The following SLC24A4 variants were observed in gnomAD, a reference collection of about 807,000 sequenced individuals.
The protein encoded by SLC24A4 is sodium/potassium/calcium exchanger 4.
SLC24A4 carries 53 observed loss-of-function variants against 79.0 expected under a neutral mutation model. The ratio of observed to expected loss-of-function variants is 0.67; its 90% confidence interval spans 0.54 to 0.84. SLC24A4 has a LOEUF of 0.84. Ranked by LOEUF, SLC24A4 falls within the 40% of genes least tolerant of loss-of-function variation. The pLI, the probability that SLC24A4 is intolerant of heterozygous loss-of-function variation, is 0.00. For synonymous variants in SLC24A4, 323 were observed against 323.8 expected (o/e 1.00, Z 0.03); for missense variants, 731 against 822.0 (o/e 0.89, Z 1.35).
intron 2 of SLC24A4, among the ~76,000 whole-genome samples, chr14:92,413,005 A>C (rs189489991): frequency 6.6e-6 from 1 of 152,178 alleles, no homozygotes; most frequent in South Asian, 2.1e-4. Flanking sequence ...AGCCATGCCG[A>C]TTTGTTTATG....
In SLC24A4 at chr14:92,348,681, G is replaced by A. The variant is rs937248145; in HGVS notation, c.241+22703G>A. 2.0e-5 allele frequency among the ~76,000 whole-genome samples: 3 copies of A among 152,056 alleles called. No homozygotes were observed. In the East Asian group the frequency reaches 5.8e-4, roughly 29 times the overall value. ...TTTTTTTTTCTAAGATTCATACTAA[G>A]ACAAGATTGCCACTTGAGAAATCTG... On this transcript the variant is annotated intron_variant, in intron 2 of 16. Transcript: ENST00000532405.
chr14:92,493,464 C>T lies in SLC24A4; in HGVS notation c.1717-12C>T, dbSNP rs1196053360. 6.2e-7 allele frequency: 1 copy of T among 1,613,826 alleles called. No individual in the cohort carries two copies. The highest frequency in any genetic ancestry group is 8.5e-7 in the Non-Finnish European group (1 of 1,179,846). Reference sequence around the variant, plus strand: ...GCCCTGCAAGCCCAGTTCCCACACTCTGTCCTCCCAGGTCCTCGGCATCCA... The same window carrying T: ...GCCCTGCAAGCCCAGTTCCCACACTTTGTCCTCCCAGGTCCTCGGCATCCA... On this transcript the variant is annotated splice_polypyrimidine_tract_variant and intron_variant, in intron 16 of 16. Transcript: ENST00000532405.
intron 9 of SLC24A4, among the ~76,000 whole-genome samples, chr14:92,448,141 G>T (rs546492684): frequency 6.6e-6 from 1 of 152,298 alleles, no homozygotes. Context: ...TGGACCAGAG[G>T]TCAGTGCAGG....
chr14:92,474,841 G>GTGTGTATATATA (rs1894658762), intron 12 of SLC24A4, among the ~76,000 whole-genome samples: 4 of 33,810 alleles, frequency 1.2e-4, no homozygotes, highest in Non-Finnish European at 2.9e-4. Flanking sequence ...GTGTGTGTGT[G>GTGTGTATATATA]TGTATATATA....
At chr14:92,344,927 G>A (rs1178968341) in intron 2 of SLC24A4, among the ~76,000 whole-genome samples, 2 of 152,186 alleles carry the variant, frequency 1.3e-5, no homozygotes, top group Admixed American at 6.5e-5. Context: ...CTGTGTAAAT[G>A]TAAGATGTCT....
At chr14:92,396,923 T>G (rs1298172167) in intron 2 of SLC24A4, among the ~76,000 whole-genome samples, 4 of 152,190 alleles carry the variant, frequency 2.6e-5, no homozygotes, top group Non-Finnish European at 5.9e-5. Flanking sequence ...ACTTCTATAC[T>G]GGACACAGTG....
chr14:92,448,397 C>T (rs1425905621), intron 9 of SLC24A4, among the ~76,000 whole-genome samples: 1 of 138,854 alleles, frequency 7.2e-6, no homozygotes, highest in Non-Finnish European at 1.6e-5. Flanking sequence ...TACTCATGAG[C>T]TGAGCCATGT....
intron 14 of SLC24A4, among the ~76,000 whole-genome samples, chr14:92,489,586 C>T (rs1338251691): frequency 1.3e-5 from 2 of 152,088 alleles, no homozygotes; most frequent in African/African-American, 4.8e-5. Context: ...GGTCCTAGCC[C>T]CGAGCATCGG....
At chr14:92,383,050 G>A (rs537860883) in intron 2 of SLC24A4, among the ~76,000 whole-genome samples, 3 of 152,046 alleles carry the variant, frequency 2.0e-5, no homozygotes, top group Admixed American at 6.5e-5. Context: ...CACTGGCCAC[G>A]TGTGGACCCC....
chr14:92,413,258 T>C (rs1042463718), intron 2 of SLC24A4, among the ~76,000 whole-genome samples: 1 of 152,074 alleles, frequency 6.6e-6, no homozygotes, highest in African/African-American at 2.4e-5. Context: ...CAATCCCATG[T>C]TCCAGTCTTC....
intron 2 of SLC24A4, among the ~76,000 whole-genome samples, chr14:92,384,933 G>C (rs1307319201): frequency 6.6e-6 from 1 of 152,206 alleles, no homozygotes; most frequent in African/African-American, 2.4e-5. Flanking sequence ...TGTGATTTCA[G>C]ATGAGTGACT....
At chr14:92,373,194 G>A (rs28695685) in intron 2 of SLC24A4, among the ~76,000 whole-genome samples, 219 of 31,122 alleles carry the variant, frequency 7.0e-3, no homozygotes, top group African/African-American at 0.014. Flanking sequence ...ACACACACAC[G>A]CACACACACA....
intron 2 of SLC24A4, among the ~76,000 whole-genome samples, chr14:92,352,091 CTGT>C (rs1886928506): frequency 6.6e-6 from 1 of 152,038 alleles, no homozygotes; most frequent in African/African-American, 2.4e-5. Context: ...TCCATCAATA[CTGT>C]TGTAGGTGGC....
At position 92,323,888 on chromosome 14, in the gene SLC24A4, C is replaced by T. The variant is rs768022189; in HGVS notation, c.58C>T (p.Pro20Ser). The T allele has an allele frequency of 5.0e-6, 8 of 1,606,884 alleles. No individual in the cohort carries two copies. The Admixed American group carries it at 1.0e-4, about 20-fold the overall frequency. The change falls in exon 1 of 17, where the codon CCG becomes TCG. Residue 20 changes from proline to serine, a missense_variant. Physicochemically the swap from Pro to Ser is moderately conservative, Grantham distance 74 (BLOSUM62 -1). Coordinates refer to ENST00000532405, the MANE Select transcript of SLC24A4 (RefSeq NM_153646.4). The surrounding 1 kb of genome is among the most constrained non-coding windows in gnomAD (Gnocchi z 4.9). Reference sequence around the variant, plus strand: ...AGTTCGCAGGAGGCGAGAGATGCTGCCGCAGCAAGTCGGCTTCGTGTGCGC... The same window carrying T: ...AGTTCGCAGGAGGCGAGAGATGCTGTCGCAGCAAGTCGGCTTCGTGTGCGC... ...LKVRRRREML[P>S]QQVGFVCAVL...
At position 92,394,627 on chromosome 14, in the gene SLC24A4, TG is replaced by T. The variant is rs147793378; in HGVS notation, c.242-39284del. 1.1e-4 allele frequency among the ~76,000 whole-genome samples: 16 copies of T among 152,304 alleles called. No individual in the cohort carries two copies. The East Asian group carries it at 3.1e-3, about 29-fold the overall frequency. On this transcript the variant is annotated intron_variant, in intron 2 of 16. Transcript: ENST00000532405. ...AATCCAGATGGGAAATTTCTGAAATTGTCATATTACTGTTTGTACTATAATA... is the reference window on the plus strand; with the variant it reads ...AATCCAGATGGGAAATTTCTGAAATTTCATATTACTGTTTGTACTATAATA...
rs1896029221 is a variant in SLC24A4, at chr14:92,498,803, A to G, written c.*5175A>G. The G allele has an allele frequency of 6.6e-6, 1 of 152,380 alleles. No individual in the cohort carries two copies. Among genetic ancestry groups the G allele is most frequent in the East Asian group, 1.9e-4 (1 of 5,192 alleles). 9.4% of individuals were successfully genotyped at this position (152,380 alleles called of 1,614,324 possible). On this transcript the variant is annotated 3_prime_UTR_variant, in exon 17 of 17. Transcript: ENST00000532405. ...GTGAGCCACCGCACCTGGCCAAAAA[A>G]AGGCATTTTGATTTAGGTTGCTGTG...
rs972766835 is a variant in SLC24A4, at chr14:92,441,321, C to T, written c.394-768C>T. The stretch of plus-strand genomic sequence containing the variant: ...ATCCAAAGCCTCCAGCGCTGCATTT[C>T]GGATCAGAGGATGGGCTCTGTGGCC... On this transcript the variant is annotated intron_variant, in intron 4 of 16. Coordinates refer to ENST00000532405, the MANE Select transcript of SLC24A4 (RefSeq NM_153646.4). The surrounding 1 kb of genome is among the most constrained non-coding windows in gnomAD (Gnocchi z 4.6). 2.6e-5 allele frequency among the ~76,000 whole-genome samples: 4 copies of T among 152,192 alleles called. No individual in the cohort carries two copies. Among genetic ancestry groups the T allele is most frequent in the Non-Finnish European group, 4.4e-5 (3 of 68,038 alleles).
chr14:92,378,222 G>A lies in SLC24A4; in HGVS notation c.241+52244G>A, dbSNP rs549973484. On this transcript the variant is annotated intron_variant, in intron 2 of 16. Transcript: ENST00000532405. Reference sequence around the variant, plus strand: ...CTATTGAACGTTGAGGTTGTTTGCAGCTATTATGAATAATGCTGCTGTGAG... The same window carrying A: ...CTATTGAACGTTGAGGTTGTTTGCAACTATTATGAATAATGCTGCTGTGAG... 2.0e-4 allele frequency among the ~76,000 whole-genome samples: 30 copies of A among 152,304 alleles called. 1 individual carries two copies. In the South Asian group the frequency reaches 6.2e-3, roughly 32 times the overall value.
Position 92,490,762 on chromosome 14 carries a change from T to C in SLC24A4, c.1538-903T>C, listed in dbSNP as rs540533880. ...CCGGGAGTCCTCATAGAACATCAGC[T>C]GACAAGCCTGGCAGGAGAGATCATG... On this transcript the variant is annotated intron_variant, in intron 14 of 16. Coordinates refer to ENST00000532405, the MANE Select transcript of SLC24A4 (RefSeq NM_153646.4). The surrounding 1 kb of genome is among the most constrained non-coding windows in gnomAD (Gnocchi z 4.3). Among the ~76,000 whole-genome samples the C allele has an allele frequency of 5.3e-5, 8 of 152,322 alleles. No individual in the cohort carries two copies. In the South Asian group the frequency reaches 1.7e-3, roughly 32 times the overall value.
Sources: allele counts gnomAD v4.1 joint callset (sites outside exome capture counted in the v4.1 genomes callset), GRCh38; gene constraint gnomAD v4.1.1; non-coding constraint Gnocchi (gnomAD v3.1); transcripts MANE v1.5; gene names NCBI Gene and HGNC (gene_info 2026-07-23, HGNC 2026-07-21).